The following AK8 variants were observed in gnomAD, a reference collection of about 807,000 sequenced individuals.
AK8 encodes the protein ATP-AMP transphosphorylase 8.
A neutral mutation model predicts 54.6 loss-of-function variants in AK8; 44 were observed. The ratio of observed to expected loss-of-function variants is 0.81; its 90% CI spans 0.63 to 1.04. The LOEUF is 1.04. Among genes scored for constraint, AK8 ranks in the 50% least tolerant of loss-of-function variants. The probability of loss-of-function intolerance (pLI) is 0.00; values close to 1 mark genes in which losing one functional copy is unlikely to be tolerated. For synonymous variants in AK8, 239 were observed against 245.6 expected (o/e 0.97, Z 0.25); for missense variants, 555 against 613.6 (o/e 0.90, Z 1.01).
At chr9:132,821,840 T>C (rs528472156) in intron 9 of AK8, among the ~76,000 whole-genome samples, 48 of 101,424 alleles carry the variant, frequency 4.7e-4, no homozygotes, top group African/African-American at 9.7e-4. Flanking sequence ...TATATGTGTA[T>C]GTATATACAA....
chr9:132,770,562 C>T lies in AK8; in HGVS notation c.1121+22072G>A, dbSNP rs1838922887. Among the ~76,000 whole-genome samples the T allele has an allele frequency of 6.6e-6, 1 of 152,200 alleles. No individual in the cohort carries two copies. Among genetic ancestry groups the T allele is most frequent in the Admixed American group, 6.5e-5 (1 of 15,292 alleles). Reference sequence around the variant, plus strand: ...TGCCCCTGGCTGTAACCTGAGCAGCCCGCGTGAGGGTCAGTGGTGACTTCC... The same window carrying T: ...TGCCCCTGGCTGTAACCTGAGCAGCTCGCGTGAGGGTCAGTGGTGACTTCC... On this transcript the variant is annotated intron_variant, in intron 11 of 12. Transcript: ENST00000298545. This position sits in a 1 kb window ranked among gnomAD's most constrained non-coding sequence, Gnocchi z 4.3.
chr9:132,820,980 C>T (rs1213119101), intron 9 of AK8, among the ~76,000 whole-genome samples: 1 of 152,078 alleles, frequency 6.6e-6, no homozygotes, highest in Non-Finnish European at 1.5e-5. Flanking sequence ...GAGATAGTCT[C>T]CAAATGCTTA....
chr9:132,872,052 G>A (rs1564449801), intron 2 of AK8, among the ~76,000 whole-genome samples: 2 of 152,286 alleles, frequency 1.3e-5, no homozygotes, highest in East Asian at 3.9e-4. Context: ...AGAACACAGA[G>A]GGCCAGGCAC....
rs937406531 is a variant in AK8, at chr9:132,826,252, C to A, written c.757+602G>T. Among the ~76,000 whole-genome samples, 3 of 152,156 alleles carry A rather than the reference C, an allele frequency of 2.0e-5. No homozygotes were observed. The East Asian group carries it at 5.8e-4, about 29-fold the overall frequency. ...AAGTGCCAGAGGCTGCACAGCTGGGCTGCGTCGGGGCTGAGATTTGAACAG... is the reference window on the plus strand; with the variant it reads ...AAGTGCCAGAGGCTGCACAGCTGGGATGCGTCGGGGCTGAGATTTGAACAG... On this transcript the variant is annotated intron_variant, in intron 8 of 12. Transcript: ENST00000298545. This position sits in a 1 kb window ranked among gnomAD's most constrained non-coding sequence, Gnocchi z 4.5.
chr9:132,811,985 C>T (rs1023639677), intron 10 of AK8, among the ~76,000 whole-genome samples: 11 of 152,208 alleles, frequency 7.2e-5, no homozygotes, highest in Admixed American at 2.6e-4. Flanking sequence ...AGCTGCTTGG[C>T]CATTGTCTCT....
chr9:132,728,903 C>T (rs1282333339), intron 11 of AK8, among the ~76,000 whole-genome samples: 1 of 51,984 alleles, frequency 1.9e-5, no homozygotes, highest in Non-Finnish European at 3.7e-5. Context: ...TTATATGAAA[C>T]CTTTTTTTTT....
rs776790710 is a variant in AK8 at position 132,875,167 on chromosome 9, G to C, written c.117C>G (p.Pro39=). 2.5e-6 allele frequency: 4 copies of C among 1,614,012 alleles called. No individual in the cohort carries two copies. The highest frequency in any genetic ancestry group is 1.6e-4 in the Middle Eastern group (1 of 6,082). ...NMLEQLLIHQ[P]EDPIPFMIQH... Reference sequence around the variant, plus strand: ...GGATCATGAAGGGGATGGGATCTTCGGGCTGGTGGATCAGGAGTTGCTCCA... The same window carrying C: ...GGATCATGAAGGGGATGGGATCTTCCGGCTGGTGGATCAGGAGTTGCTCCA... The change falls in exon 2 of 13, where the codon CCC becomes CCG. Residue 39 remains proline (P), a synonymous_variant. Transcript: ENST00000298545.
intron 5 of AK8, among the ~76,000 whole-genome samples, chr9:132,830,552 A>AT (rs979833479): frequency 5.9e-5 from 9 of 151,528 alleles, no homozygotes; most frequent in South Asian, 4.2e-4. Flanking sequence ...AGCTATTTGG[A>AT]TTTTTTTTTC....
chr9:132,814,674 C>T lies in AK8; in HGVS notation c.943G>A (p.Glu315Lys), dbSNP rs61733799. ...TTTTCAAAGAAGGGCTGGATGAGCT[C>T]GCCAAACGTGGTCCTATCTGCCACA... ...EAVADRTTFG[E>K]LIQPFFEKEM... Residue 315 changes from glutamate to lysine, a missense_variant, in exon 10 of 13, where the codon GAG (glutamate) becomes AAG (lysine). Transcript: ENST00000298545. 1,296 of 1,614,060 alleles carry T rather than the reference C, an allele frequency of 8.0e-4. 6 individuals carry two copies. In the African/African-American group the frequency reaches 0.014, roughly 17 times the overall value.
At chr9:132,834,695 T>C (rs1183309172) in intron 5 of AK8, among the ~76,000 whole-genome samples, 1 of 152,124 alleles carries the variant, frequency 6.6e-6, no homozygotes, top group Non-Finnish European at 1.5e-5. Context: ...GCAGGAGTGA[T>C]TTTTCTAAAC....
chr9:132,745,657 C>T (rs190052059), intron 11 of AK8, among the ~76,000 whole-genome samples: 1 of 152,182 alleles, frequency 6.6e-6, no homozygotes, highest in African/African-American at 2.4e-5. Flanking sequence ...CCTTTCTTTC[C>T]GGGTAGTGGA....
chr9:132,750,981 C>T (rs955409758), intron 11 of AK8, among the ~76,000 whole-genome samples: 4 of 152,004 alleles, frequency 2.6e-5, no homozygotes, highest in Admixed American at 6.6e-5. Context: ...CTGGGTTATG[C>T]TCCCAGGTTA....
chr9:132,778,919 AGGGC>A (rs1839341803), intron 11 of AK8, among the ~76,000 whole-genome samples: 1 of 150,620 alleles, frequency 6.6e-6, no homozygotes, highest in Non-Finnish European at 1.5e-5. Flanking sequence ...CCTGAACAAA[AGGGC>A]AATTTTGTCT....
At chr9:132,795,671 G>T (rs1840137729) in intron 10 of AK8, among the ~76,000 whole-genome samples, 1 of 152,078 alleles carries the variant, frequency 6.6e-6, no homozygotes, top group South Asian at 2.1e-4. Context: ...ATGGGATACG[G>T]TCTACGCAGC....
chr9:132,842,245 G>T (rs1842574829), intron 5 of AK8, among the ~76,000 whole-genome samples: 1 of 152,214 alleles, frequency 6.6e-6, no homozygotes, highest in Non-Finnish European at 1.5e-5. Flanking sequence ...CCATGTGCAT[G>T]TTGGGATAAG....
chr9:132,851,174 T>TA (rs745982518), intron 5 of AK8, among the ~76,000 whole-genome samples: 7 of 152,138 alleles, frequency 4.6e-5, no homozygotes, highest in Admixed American at 6.5e-5. Flanking sequence ...GGAGGGGAGA[T>TA]ACCTCTGTGG....
chr9:132,814,734 G>A lies in AK8; in HGVS notation c.890-7C>T, dbSNP rs1260200611. 2 of 1,613,140 alleles carry A rather than the reference G, an allele frequency of 1.2e-6. No individual in the cohort carries two copies. Among genetic ancestry groups the A allele is most frequent in the African/African-American group, 1.3e-5 (1 of 74,934 alleles). Reference sequence around the variant, plus strand: ...AGCAGTTGCCCACAGCAGACTGAAGGAGAGGGGAACAGAAAGACACCCATT... The same window carrying A: ...AGCAGTTGCCCACAGCAGACTGAAGAAGAGGGGAACAGAAAGACACCCATT... On this transcript the variant is annotated splice_polypyrimidine_tract_variant and splice_region_variant and intron_variant, in intron 9 of 12. Coordinates refer to ENST00000298545, the MANE Select transcript of AK8 (RefSeq NM_152572.3).
chr9:132,796,727 T>C (rs1289467405), intron 10 of AK8, among the ~76,000 whole-genome samples: 4 of 151,834 alleles, frequency 2.6e-5, no homozygotes, highest in African/African-American at 4.8e-5. Flanking sequence ...TTTAAACATA[T>C]ATTCATATGT....
chr9:132,860,436 T>C lies in AK8; in HGVS notation c.333+3229A>G, dbSNP rs1043412244. 2.0e-5 allele frequency among the ~76,000 whole-genome samples: 3 copies of C among 151,406 alleles called. No individual in the cohort carries two copies. Among genetic ancestry groups the C allele is most frequent in the African/African-American group, 7.3e-5 (3 of 41,114 alleles). On this transcript the variant is annotated intron_variant, in intron 4 of 12. Coordinates refer to ENST00000298545, the MANE Select transcript of AK8 (RefSeq NM_152572.3). This position sits in a 1 kb window ranked among gnomAD's most constrained non-coding sequence, Gnocchi z 4.4. Reference sequence around the variant, plus strand: ...ACTCAGAGCTTGCTGGGCAAGGGAGTCAGCCAGCATCGTTCACATCTGGCG... The same window carrying C: ...ACTCAGAGCTTGCTGGGCAAGGGAGCCAGCCAGCATCGTTCACATCTGGCG...
Sources: allele counts gnomAD v4.1 joint callset (sites outside exome capture counted in the v4.1 genomes callset), GRCh38; gene constraint gnomAD v4.1.1; non-coding constraint Gnocchi (gnomAD v3.1); transcripts MANE v1.5; gene names NCBI Gene and HGNC (gene_info 2026-07-23, HGNC 2026-07-21).